The following LRTM3 variants were observed in gnomAD, a reference collection of about 807,000 sequenced individuals.
LRTM3 encodes the protein leucine-rich repeat transmembrane protein 3.
the LRTM3 span, chr13:102,729,855 ATCTGGCCT>A: frequency 6.4e-7 from 1 of 1,551,740 alleles, no homozygotes; most frequent in Non-Finnish European, 8.7e-7. Flanking sequence ...AATAAATCAG[ATCTGGCCT>A]TCTTTCTTTC....
chr13:102,749,804 G>A, the LRTM3 span: 1 of 1,551,382 alleles, frequency 6.4e-7, no homozygotes, highest in Non-Finnish European at 8.7e-7. Flanking sequence ...TCCTGGAAAA[G>A]AATCCTGTGC....
At chr13:102,731,417 A>G in the LRTM3 span, 1 of 1,551,434 alleles carries the variant, frequency 6.4e-7, no homozygotes, top group South Asian at 1.2e-5. Context: ...ATTCAGTTGT[A>G]TTTCAAGTGC....
At chr13:102,744,994 T>C in the LRTM3 span, 39 of 1,550,876 alleles carry the variant, frequency 2.5e-5, no homozygotes, top group Admixed American at 7.5e-4. Flanking sequence ...CCTCTGATTT[T>C]AGAGGAAGAA....
the LRTM3 span, chr13:102,732,744 T>C: frequency 3.2e-6 from 5 of 1,551,278 alleles, no homozygotes; most frequent in Non-Finnish European, 4.4e-6. Flanking sequence ...GCCTTGTGCA[T>C]CTCTGTTTTC....
At chr13:102,750,265 T>G in the LRTM3 span, 129 of 1,551,032 alleles carry the variant, frequency 8.3e-5, no homozygotes, top group Admixed American at 4.1e-4. Flanking sequence ...TTACTTGATC[T>G]TCACTTTCAC....
At chr13:102,738,380 G>T in the LRTM3 span, 1 of 1,550,862 alleles carries the variant, frequency 6.4e-7, no homozygotes, top group Non-Finnish European at 8.7e-7. Context: ...GACATACTCT[G>T]CTTTTTCTCT....
chr13:102,743,726 C>T, the LRTM3 span: 1 of 1,549,470 alleles, frequency 6.5e-7, no homozygotes, highest in Non-Finnish European at 8.7e-7. Flanking sequence ...ATAGGATTTA[C>T]ATTTCTTCCT....
chr13:102,730,604 AGGGTTGGCTGT>A, the LRTM3 span: 1 of 1,551,630 alleles, frequency 6.4e-7, no homozygotes, highest in Non-Finnish European at 8.7e-7. Context: ...AGCACACACA[AGGGTTGGCTGT>A]GGGAATTTTC....
the LRTM3 span, chr13:102,741,566 T>A: frequency 6.5e-7 from 1 of 1,550,358 alleles, no homozygotes; most frequent in South Asian, 1.2e-5. Flanking sequence ...GTTTTCCAAA[T>A]GAAGAGGTTC....
the LRTM3 span, among the ~76,000 whole-genome samples, chr13:102,756,139 G>C: frequency 2.0e-5 from 3 of 150,912 alleles, no homozygotes; most frequent in Non-Finnish European, 4.4e-5. Context: ...TTTTAGTAGA[G>C]ATGGGGTTTC....
chr13:102,744,515 T>C, the LRTM3 span: 1 of 1,550,654 alleles, frequency 6.4e-7, no homozygotes, highest in Non-Finnish European at 8.7e-7. Flanking sequence ...AGGACTTTGT[T>C]TCATCATGTA....
the LRTM3 span, chr13:102,735,809 T>G: frequency 1.5e-4 from 237 of 1,542,304 alleles, no homozygotes; most frequent in Non-Finnish European, 1.9e-4. Context: ...TAATGTGCCT[T>G]CCTTTTCATT....
chr13:102,735,378 A>G, the LRTM3 span: 5 of 1,551,310 alleles, frequency 3.2e-6, no homozygotes, highest in Non-Finnish European at 4.4e-6. Context: ...GATTCCTTGG[A>G]CCGTGACTGT....
chr13:102,745,853 G>A, the LRTM3 span: 1 of 1,551,170 alleles, frequency 6.4e-7, no homozygotes, highest in Non-Finnish European at 8.7e-7. Context: ...TGTAGGGCAT[G>A]AAGTAGACTT....
chr13:102,740,833 T>C, the LRTM3 span: 1 of 1,549,900 alleles, frequency 6.5e-7, no homozygotes. Context: ...TTGCCTTTAA[T>C]GCTTTCTTTA....
the LRTM3 span, chr13:102,742,489 G>T: frequency 6.5e-7 from 1 of 1,549,952 alleles, no homozygotes; most frequent in South Asian, 1.2e-5. Flanking sequence ...ATTCTTTCTT[G>T]TTTTCAATTT....
the LRTM3 span, chr13:102,747,916 G>C: frequency 6.4e-7 from 1 of 1,551,200 alleles, no homozygotes; most frequent in Non-Finnish European, 8.7e-7. Context: ...TTAGATGTAT[G>C]CTGAACCTGA....
the LRTM3 span, chr13:102,737,310 T>C: frequency 6.4e-7 from 1 of 1,551,158 alleles, no homozygotes; most frequent in Non-Finnish European, 8.7e-7. Context: ...AGTTGCAAAG[T>C]AGCAGATTTT....
the LRTM3 span, chr13:102,743,075 C>T: frequency 1.4e-3 from 2,179 of 1,550,230 alleles, 4 homozygotes; most frequent in Middle Eastern, 2.5e-3. Context: ...ACCAAGATGA[C>T]GATCCTTTCT....
Sources: allele counts gnomAD v4.1 joint callset (sites outside exome capture counted in the v4.1 genomes callset), GRCh38; gene constraint gnomAD v4.1.1; transcripts MANE v1.5; gene names NCBI Gene and HGNC (gene_info 2026-07-23, HGNC 2026-07-21).